Variants in LRRC74A observed in about 807,000 individuals in gnomAD.
LRRC74A encodes leucine-rich repeat-containing protein 74A.
In LRRC74A, 44 loss-of-function variants were observed where a neutral mutation model predicts 57.9. The ratio of observed to expected loss-of-function variants is 0.76; its 90% CI spans 0.60 to 0.98. The LOEUF (loss-of-function observed/expected upper bound fraction) is 0.98. LRRC74A is among the 50% of genes least tolerant of loss of function. The probability of loss-of-function intolerance (pLI) is 0.00; values close to 1 mark genes in which losing one functional copy is unlikely to be tolerated. For missense variants in LRRC74A, 572 were observed against 574.0 expected, an observed-to-expected ratio of 1.00 and a Z score of 0.04; for synonymous variants, 211 against 219.4, an observed-to-expected ratio of 0.96 and a Z score of 0.34.
chr14:76,828,178 G>A (rs1034659095), intron 1 of LRRC74A, 113 bp from the exon 2 acceptor site: 6 of 1,373,320 alleles, frequency 4.4e-6, no homozygotes, highest in Admixed American at 2.6e-5. Context: ...GGCACCTTGA[G>A]GACCTGGGAC....
chr14:76,863,437 C>T (rs1321395694), intron 11 of LRRC74A, among the ~76,000 whole-genome samples: 3 of 152,148 alleles, frequency 2.0e-5, no homozygotes, highest in Non-Finnish European at 2.9e-5. Context: ...ACGGTCAGGG[C>T]AGGTCCTTCC....
At chr14:76,856,702 GAGT>G (rs1897907406) in intron 9 of LRRC74A, among the ~76,000 whole-genome samples, 1 of 148,892 alleles carries the variant, frequency 6.7e-6, no homozygotes, top group African/African-American at 2.5e-5. Context: ...ATGGATAAGT[GAGT>G]GGATGGATGG....
intron 7 of LRRC74A, among the ~76,000 whole-genome samples, chr14:76,846,687 GAGAT>G (rs1247976288): frequency 2.6e-5 from 4 of 151,936 alleles, no homozygotes; most frequent in East Asian, 3.8e-4. Flanking sequence ...GGGAAAGAGA[GAGAT>G]AGACTCATGG....
intron 11 of LRRC74A, 105 bp from the exon 12 acceptor site, chr14:76,865,863 G>A (rs895340138): frequency 1.9e-5 from 17 of 894,870 alleles, no homozygotes; most frequent in Middle Eastern, 3.1e-4. Flanking sequence ...TTTTAGCCTT[G>A]TTAGGCCTGG....
intron 7 of LRRC74A, among the ~76,000 whole-genome samples, chr14:76,848,149 G>A (rs1339533409): frequency 1.4e-5 from 2 of 146,630 alleles, no homozygotes; most frequent in Non-Finnish European, 3.0e-5. Context: ...GGAGTGGGGA[G>A]GGATAGCATT....
intron 13 of LRRC74A, among the ~76,000 whole-genome samples, chr14:76,868,654 G>A (rs1056264631): frequency 2.6e-5 from 4 of 152,162 alleles, no homozygotes; most frequent in Non-Finnish European, 5.9e-5. Flanking sequence ...CATCTGTCTT[G>A]GTGGCCCTGT....
At chr14:76,859,433 C>G (rs897155825) in intron 10 of LRRC74A, among the ~76,000 whole-genome samples, 2 of 150,562 alleles carry the variant, frequency 1.3e-5, no homozygotes, top group Non-Finnish European at 2.9e-5. Flanking sequence ...ACCTGGGAGG[C>G]TGAAGCAGGA....
chr14:76,850,607 C>T (rs1897386076), intron 7 of LRRC74A, among the ~76,000 whole-genome samples: 1 of 152,098 alleles, frequency 6.6e-6, no homozygotes, highest in Non-Finnish European at 1.5e-5. Flanking sequence ...TGGCTCATGC[C>T]TATAATCCCA....
At chr14:76,852,528 C>T (rs1595379719) in intron 8 of LRRC74A, 78 bp downstream of exon 8, 1 of 1,108,016 alleles carries the variant, frequency 9.0e-7, no homozygotes, top group Non-Finnish European at 1.3e-6. Flanking sequence ...TCCTAAGCCT[C>T]TTCCTCATGG....
At chr14:76,843,904 T>C (rs1896945474) in intron 5 of LRRC74A, among the ~76,000 whole-genome samples, 1 of 152,150 alleles carries the variant, frequency 6.6e-6, no homozygotes, top group African/African-American at 2.4e-5. Flanking sequence ...TTTTGCCATA[T>C]TGGCCAGACT....
chr14:76,837,184 G>C (rs1290073173), intron 4 of LRRC74A, among the ~76,000 whole-genome samples: 1 of 152,118 alleles, frequency 6.6e-6, no homozygotes, highest in Non-Finnish European at 1.5e-5. Context: ...TTGCCTTAAA[G>C]TGAACTTTCT....
In LRRC74A at chr14:76,852,352, C is replaced by T; in HGVS notation, c.677-13C>T. 2 of 1,596,478 alleles carry T rather than the reference C, an allele frequency of 1.3e-6. No individual in the cohort carries two copies. The highest frequency in any genetic ancestry group is 1.7e-6 in the Non-Finnish European group (2 of 1,166,104). On this transcript the variant is annotated splice_polypyrimidine_tract_variant and intron_variant, in intron 7 of 13. Coordinates refer to ENST00000689127, the MANE Select transcript of LRRC74A (RefSeq NM_001385106.1). ...CTGTGGGAGATGCTAAGCCGATTCC[C>T]TCCCTGTTTCAGCCATCAACGTGGG... is the stretch of plus-strand genomic sequence containing the variant.
intron 11 of LRRC74A, among the ~76,000 whole-genome samples, chr14:76,863,021 G>A (rs886448027): frequency 2.0e-4 from 30 of 152,070 alleles, no homozygotes; most frequent in African/African-American, 6.8e-4. Context: ...AAAAAGAGTA[G>A]GAAACCAAAC....
chr14:76,831,425 G>A (rs1895964723), intron 3 of LRRC74A, 50 bp downstream of exon 3: 3 of 1,598,432 alleles, frequency 1.9e-6, no homozygotes, highest in Non-Finnish European at 2.6e-6. Flanking sequence ...TGGAGGGTTG[G>A]CAGAGTGGTA....
chr14:76,853,991 A>G (rs1897706641), intron 9 of LRRC74A, among the ~76,000 whole-genome samples: 1 of 151,732 alleles, frequency 6.6e-6, no homozygotes, highest in Admixed American at 6.6e-5. Flanking sequence ...CCTGTCTTTC[A>G]GCTTAGACCC....
rs998579738 is a variant in LRRC74A, at chr14:76,844,765, A to AT, written c.595-54dup. 5 of 966,546 alleles carry AT rather than the reference A, an allele frequency of 5.2e-6. No homozygotes were observed. In the African/African-American group the frequency reaches 6.4e-5, roughly 12 times the overall value. 59.9% of individuals were successfully genotyped at this position (966,546 alleles called of 1,614,324 possible). A position where few individuals can be genotyped will look rare whatever the true frequency, so the allele number is the denominator to read the frequency against. ...ATCATACTGCCCTGAGATAAGTAAG[A>AT]TATTTGCAATCAGAAGACAAAAAAT... On this transcript the variant is annotated intron_variant, in intron 6 of 13. Coordinates refer to ENST00000689127, the MANE Select transcript of LRRC74A (RefSeq NM_001385106.1).
intron 10 of LRRC74A, among the ~76,000 whole-genome samples, chr14:76,857,710 C>G (rs1332717535): frequency 6.6e-6 from 1 of 152,262 alleles, no homozygotes; most frequent in Admixed American, 6.5e-5. Flanking sequence ...ATGCTAGAAA[C>G]TAGGGCTATG....
rs775515485 is a variant in LRRC74A, at chr14:76,860,765, G to T, written c.1126G>T (p.Val376Leu). ...VYAVHPQLDVVFKAVQGLSPK... is the reference protein window; with the variant it reads ...VYAVHPQLDVLFKAVQGLSPK... ...TGCCGTTCACCCGCAGCTGGACGTG[G>T]TATTCAAGGCAGTACAAGGCCTCTC... The change falls in exon 11 of 14, where the codon GTA becomes TTA. Residue 376 changes from valine (V) to leucine (L), a missense_variant. By Grantham distance (32) the Val-to-Leu change is conservative. Transcript: ENST00000689127. 34 of 1,611,600 alleles carry T rather than the reference G, an allele frequency of 2.1e-5. No homozygotes were observed. The Middle Eastern group carries it at 2.6e-3, about 125-fold the overall frequency.
At chr14:76,836,820 T>C (rs1216118054) in intron 4 of LRRC74A, among the ~76,000 whole-genome samples, 3 of 146,606 alleles carry the variant, frequency 2.0e-5, no homozygotes, top group East Asian at 2.1e-4. Context: ...AGAAACCACT[T>C]CTGTCTGGAC....
Sources: allele counts gnomAD v4.1 joint callset (sites outside exome capture counted in the v4.1 genomes callset), GRCh38; gene constraint gnomAD v4.1.1; transcripts MANE v1.5; gene names NCBI Gene and HGNC (gene_info 2026-07-23, HGNC 2026-07-21).